The following RGS6 variants were observed in gnomAD, a reference collection of about 807,000 sequenced individuals.
RGS6 encodes the protein regulator of G protein signaling 6.
A neutral mutation model predicts 78.5 loss-of-function variants in RGS6; 30 were observed. The observed-to-expected ratio is 0.38, with a 90% CI of 0.29 to 0.52. RGS6 has a LOEUF of 0.52. RGS6 is among the 20% of genes least tolerant of loss of function. The pLI is 0.85. For missense variants in RGS6, 495 were observed against 609.7 expected (o/e 0.81, Z 1.98); for synonymous variants, 206 against 206.0 (o/e 1.00, Z 0.00).
rs147455368 is a variant in RGS6, at chr14:72,162,962, A to G, written c.85-189133A>G. 2.3e-3 allele frequency among the ~76,000 whole-genome samples: 347 copies of G among 152,314 alleles called. 7 individuals are homozygous for G. The East Asian group carries it at 0.061, about 27-fold the overall frequency. ...GTAACTCAGGAATGGAAACCCAAAC[A>G]TCATATGTTCTCACTCATAAGTGGG... is the stretch of plus-strand genomic sequence containing the variant. On this transcript the variant is annotated intron_variant, in intron 2 of 17. Coordinates refer to ENST00000553525, the MANE Select transcript of RGS6 (RefSeq NM_001204424.2).
chr14:72,216,204 G>A (rs1046046386), intron 2 of RGS6, among the ~76,000 whole-genome samples: 11 of 152,206 alleles, frequency 7.2e-5, no homozygotes, highest in Non-Finnish European at 1.6e-4. Context: ...TAGCTAGTTT[G>A]TTTCATTGAC....
At chr14:72,315,854 C>G (rs1307935973) in intron 2 of RGS6, among the ~76,000 whole-genome samples, 1 of 152,224 alleles carries the variant, frequency 6.6e-6, no homozygotes, top group African/African-American at 2.4e-5. Flanking sequence ...TCTTCCCAGG[C>G]AGTGTGGCAG....
At chr14:72,499,563 A>G (rs924873524) in intron 13 of RGS6, among the ~76,000 whole-genome samples, 1 of 152,134 alleles carries the variant, frequency 6.6e-6, no homozygotes, top group African/African-American at 2.4e-5. Flanking sequence ...AGTTCAGTCT[A>G]TGTGCTTCGT....
At chr14:71,998,712 T>A (rs1273413847) in intron 2 of RGS6, among the ~76,000 whole-genome samples, 1 of 152,240 alleles carries the variant, frequency 6.6e-6, no homozygotes, top group African/African-American at 2.4e-5. Context: ...CAGTCCTGAA[T>A]CTCTAGATGC....
At chr14:72,420,818 A>G (rs2094134468) in intron 3 of RGS6, among the ~76,000 whole-genome samples, 1 of 152,210 alleles carries the variant, frequency 6.6e-6, no homozygotes, top group African/African-American at 2.4e-5. Flanking sequence ...TCAGAACGCC[A>G]TTGATTATTA....
intron 2 of RGS6, among the ~76,000 whole-genome samples, chr14:72,265,550 G>A (rs1222639880): frequency 6.6e-6 from 1 of 152,146 alleles, no homozygotes; most frequent in East Asian, 1.9e-4. Flanking sequence ...CGTTGCTAGA[G>A]GTAGAGCTTG....
At chr14:72,187,279 T>C (rs769587074) in intron 2 of RGS6, among the ~76,000 whole-genome samples, 2 of 152,262 alleles carry the variant, frequency 1.3e-5, no homozygotes, top group Non-Finnish European at 2.9e-5. Flanking sequence ...TGGCTGTGTA[T>C]AACTACTCAT....
At chr14:72,402,598 A>G (rs992019321) in intron 3 of RGS6, among the ~76,000 whole-genome samples, 7 of 152,070 alleles carry the variant, frequency 4.6e-5, no homozygotes, top group Non-Finnish European at 7.4e-5. Context: ...AAAAAGACAA[A>G]AAATAACAAA....
chr14:72,420,097 A>G (rs1340411095), intron 3 of RGS6, among the ~76,000 whole-genome samples: 2 of 152,166 alleles, frequency 1.3e-5, no homozygotes, highest in African/African-American at 4.8e-5. Context: ...AAGAATTTGG[A>G]TATGTGACTC....
At chr14:71,994,871 T>C (rs1394375106) in intron 2 of RGS6, among the ~76,000 whole-genome samples, 1 of 152,202 alleles carries the variant, frequency 6.6e-6, no homozygotes, top group Non-Finnish European at 1.5e-5. Context: ...ATTTCTTTTG[T>C]TGAAGCCACT....
chr14:72,139,571 GA>G (rs140522980), intron 2 of RGS6, among the ~76,000 whole-genome samples: 7,611 of 151,930 alleles, frequency 0.05, 218 homozygotes, highest in Non-Finnish European at 0.069. Context: ...AAGCAAAGAA[GA>G]AAAAAAATAC....
chr14:72,357,582 G>A (rs2080585731), intron 3 of RGS6, among the ~76,000 whole-genome samples: 2 of 152,176 alleles, frequency 1.3e-5, no homozygotes, highest in Non-Finnish European at 2.9e-5. Flanking sequence ...AAAGTCAGGT[G>A]GCATTTTGGC....
At chr14:71,919,401 C>T in the RGS6 span, among the ~76,000 whole-genome samples, 1 of 152,254 alleles carries the variant, frequency 6.6e-6, no homozygotes, top group East Asian at 1.9e-4. Context: ...TCTGACTTAG[C>T]ACATCTCCTC....
intron 2 of RGS6, among the ~76,000 whole-genome samples, chr14:72,311,595 C>A (rs978244131): frequency 6.6e-6 from 1 of 152,144 alleles, no homozygotes; most frequent in Non-Finnish European, 1.5e-5. Flanking sequence ...CTAGACATTT[C>A]CTGGTGATCT....
At chr14:72,219,876 A>G (rs529989132) in intron 2 of RGS6, among the ~76,000 whole-genome samples, 14 of 152,178 alleles carry the variant, frequency 9.2e-5, no homozygotes, top group African/African-American at 2.9e-4. Flanking sequence ...GCAGGGGTCT[A>G]TGTTCATTTT....
intron 2 of RGS6, among the ~76,000 whole-genome samples, chr14:72,125,821 C>T (rs2087042166): frequency 6.6e-6 from 1 of 152,074 alleles, no homozygotes; most frequent in Non-Finnish European, 1.5e-5. Flanking sequence ...AGTCAACCAA[C>T]AGACATTCAT....
At chr14:72,076,461 C>G (rs1055731526) in intron 2 of RGS6, among the ~76,000 whole-genome samples, 1 of 152,036 alleles carries the variant, frequency 6.6e-6, no homozygotes, top group Non-Finnish European at 1.5e-5. Flanking sequence ...TCCTTTTGTT[C>G]GGGATTTATC....
rs552137642 is a variant in RGS6, at chr14:72,074,350, C to T, written c.84+109475C>T. Among the ~76,000 whole-genome samples, 175 of 152,232 alleles carry T rather than the reference C, an allele frequency of 1.1e-3. 1 individual carries two copies. Among genetic ancestry groups the T allele is most frequent in the South Asian group, 9.3e-3 (45 of 4,818 alleles). On this transcript the variant is annotated intron_variant, in intron 2 of 17. Transcript: ENST00000553525. ...AGCTGGGACTATAGGTGCTTGCCAC[C>T]ATACCTAGCTGATTTTTTGTAGGGG...
intron 2 of RGS6, among the ~76,000 whole-genome samples, chr14:72,147,670 GC>G (rs2096623946): frequency 6.6e-6 from 1 of 152,168 alleles, no homozygotes; most frequent in South Asian, 2.1e-4. Context: ...GATACAGACA[GC>G]AGCTCATGCC....
Sources: gnomAD v4.1 joint callset for allele counts (sites outside exome capture counted in the v4.1 genomes callset) on GRCh38, gnomAD v4.1.1 for gene constraint, MANE v1.5 for transcripts, NCBI Gene and HGNC (gene_info 2026-07-23, HGNC 2026-07-21) for gene names.